The following ZNF704 variants were observed in gnomAD, a reference collection of about 807,000 sequenced individuals.
ZNF704 encodes the protein glucocorticoid induced gene 1.
In ZNF704, 10 loss-of-function variants were observed where a neutral mutation model predicts 44.7. That is an observed-to-expected ratio of 0.22 (90% confidence interval 0.14 to 0.38). The LOEUF (loss-of-function observed/expected upper bound fraction) is 0.38. Ranked by LOEUF, ZNF704 falls within the 10% of genes least tolerant of loss-of-function variation. The pLI is 1.00. For synonymous variants in ZNF704, 211 were observed against 207.6 expected (o/e 1.02, Z -0.14); for missense variants, 390 against 545.5 (o/e 0.71, Z 2.84).
chr8:80,629,315 A>C lies in ZNF704; in HGVS notation c.*12051T>G, dbSNP rs1817548479. On this transcript the variant is annotated 3_prime_UTR_variant, in exon 9 of 9. Coordinates refer to ENST00000327835, the MANE Select transcript of ZNF704 (RefSeq NM_001033723.3). Reference sequence around the variant, plus strand: ...GAACATCTGGATTTGGCTAAAAATCATATAAAAAGACACAATGCCCCTTCC... The same window carrying C: ...GAACATCTGGATTTGGCTAAAAATCCTATAAAAAGACACAATGCCCCTTCC... 1 of 152,252 alleles carries C rather than the reference A, an allele frequency of 6.6e-6. No homozygotes were observed. The highest frequency in any genetic ancestry group is 1.5e-5 in the Non-Finnish European group (1 of 68,050). The allele number at this position is 152,252 out of a possible 1,614,324, so 9.4% of individuals were successfully genotyped here.
Position 80,638,293 on chromosome 8 carries a change from C to T in ZNF704, c.*3073G>A, listed in dbSNP as rs1334067940. 4 of 151,884 alleles carry T rather than the reference C, an allele frequency of 2.6e-5. No individual in the cohort carries two copies. Among genetic ancestry groups the T allele is most frequent in the Non-Finnish European group, 2.9e-5 (2 of 67,950 alleles). The allele number at this position is 151,884 out of a possible 1,614,324, so 9.4% of individuals were successfully genotyped here. A position where few individuals can be genotyped will look rare whatever the true frequency, so the allele number is the denominator to read the frequency against. ...AAACCTTTTCTGAAGGCTGGGGTGT[C>T]AAAGGATAAAAAAAAAATCAAAAGG... On this transcript the variant is annotated 3_prime_UTR_variant, in exon 9 of 9. Transcript: ENST00000327835.
rs1817609434 is a variant in ZNF704, at chr8:80,632,870, A to G, written c.*8496T>C. 6.6e-6 allele frequency: 1 copy of G among 152,162 alleles called. No individual in the cohort carries two copies. Among genetic ancestry groups the G allele is most frequent in the South Asian group, 2.1e-4 (1 of 4,830 alleles). 9.4% of individuals were successfully genotyped at this position (152,162 alleles called of 1,614,324 possible). A position where few individuals can be genotyped will look rare whatever the true frequency, so the allele number is the denominator to read the frequency against. On this transcript the variant is annotated 3_prime_UTR_variant, in exon 9 of 9. Coordinates refer to ENST00000327835, the MANE Select transcript of ZNF704 (RefSeq NM_001033723.3). Reference sequence around the variant, plus strand: ...AAACTGTTTCATTCTCCAACACTGTATTACTTTAGAAACATAATAATAAAT... The same window carrying G: ...AAACTGTTTCATTCTCCAACACTGTGTTACTTTAGAAACATAATAATAAAT...
At chr8:80,667,707 T>C (rs1347930394) in intron 5 of ZNF704, among the ~76,000 whole-genome samples, 1 of 152,182 alleles carries the variant, frequency 6.6e-6, no homozygotes, top group Non-Finnish European at 1.5e-5. Context: ...AATGAGTGAA[T>C]GAATGGAGCT....
chr8:80,744,723 C>G (rs1666673474), intron 2 of ZNF704, among the ~76,000 whole-genome samples: 2 of 152,168 alleles, frequency 1.3e-5, no homozygotes, highest in Non-Finnish European at 2.9e-5. Context: ...ATGTGCTTAA[C>G]TAATGGACCA....
intron 7 of ZNF704, among the ~76,000 whole-genome samples, chr8:80,650,279 G>A (rs764863614): frequency 9.9e-5 from 15 of 152,246 alleles, no homozygotes; most frequent in South Asian, 4.1e-4. Flanking sequence ...GGAACGCAGC[G>A]CAGCTACTCA....
intron 3 of ZNF704, among the ~76,000 whole-genome samples, chr8:80,688,958 CAA>C (rs57878370): frequency 2.7e-4 from 19 of 71,378 alleles, no homozygotes; most frequent in South Asian, 6.6e-4. Context: ...GACTCTGTCT[CAA>C]AAAAAAAAAA....
chr8:80,724,503 C>A (rs1380445479), intron 2 of ZNF704, among the ~76,000 whole-genome samples: 2 of 152,184 alleles, frequency 1.3e-5, no homozygotes, highest in Admixed American at 1.3e-4. Context: ...ATACACTATT[C>A]CTGGCATGTC....
intron 3 of ZNF704, among the ~76,000 whole-genome samples, chr8:80,691,829 T>C (rs2131636054): frequency 6.6e-6 from 1 of 152,186 alleles, no homozygotes; most frequent in East Asian, 1.9e-4. Context: ...CATTTGCCAA[T>C]ACATCTCTTC....
chr8:80,855,521 G>C (rs1275666301), intron 1 of ZNF704, among the ~76,000 whole-genome samples: 1 of 152,104 alleles, frequency 6.6e-6, no homozygotes, highest in Non-Finnish European at 1.5e-5. Flanking sequence ...GTCAGATACA[G>C]AAAGACAAAT....
At chr8:80,709,403 C>A (rs1476002670) in intron 2 of ZNF704, among the ~76,000 whole-genome samples, 3 of 133,242 alleles carry the variant, frequency 2.3e-5, no homozygotes, top group Non-Finnish European at 3.1e-5. Flanking sequence ...GAGATGGCAC[C>A]ACTGCACTCC....
At chr8:80,762,642 A>C (rs1807152089) in intron 2 of ZNF704, among the ~76,000 whole-genome samples, 2 of 152,072 alleles carry the variant, frequency 1.3e-5, no homozygotes, top group Non-Finnish European at 2.9e-5. Flanking sequence ...ACATAGCCAA[A>C]CCATATTATT....
At chr8:80,647,445 A>T (rs1817851044) in intron 7 of ZNF704, among the ~76,000 whole-genome samples, 1 of 151,810 alleles carries the variant, frequency 6.6e-6, no homozygotes, top group African/African-American at 2.4e-5. Flanking sequence ...GCAATAAGTA[A>T]GCCATTGGAG....
intron 1 of ZNF704, among the ~76,000 whole-genome samples, chr8:80,830,602 G>A (rs918633216): frequency 6.6e-6 from 1 of 151,948 alleles, no homozygotes; most frequent in Non-Finnish European, 1.5e-5. Context: ...ATCTTACAAT[G>A]GGAGGAATGT....
chr8:80,836,239 A>G (rs1377800574), intron 1 of ZNF704, among the ~76,000 whole-genome samples: 1 of 152,100 alleles, frequency 6.6e-6, no homozygotes, highest in Non-Finnish European at 1.5e-5. Flanking sequence ...TCACTCTCAC[A>G]GCTACCCCCA....
chr8:80,715,769 C>T (rs1819063389), intron 2 of ZNF704, among the ~76,000 whole-genome samples: 1 of 152,110 alleles, frequency 6.6e-6, no homozygotes, highest in African/African-American at 2.4e-5. Context: ...GACTCTAATA[C>T]AAAGTCAGAT....
At chr8:80,674,067 G>A (rs540940263) in intron 4 of ZNF704, among the ~76,000 whole-genome samples, 5 of 152,340 alleles carry the variant, frequency 3.3e-5, no homozygotes, top group African/African-American at 7.2e-5. Flanking sequence ...TTTGAGGGAC[G>A]TGAAAATGCG....
rs936922443 is a variant in ZNF704, at chr8:80,871,205, C to T, written c.-22+3366G>A. The stretch of plus-strand genomic sequence containing the variant: ...CACAGCATGGATCTTTTGAAAACTA[C>T]AAATTACCTTGTAAGACTTTATTGC... On this transcript the variant is annotated intron_variant, in intron 1 of 8. Transcript: ENST00000327835. Among the ~76,000 whole-genome samples the T allele has an allele frequency of 7.2e-5, 11 of 152,214 alleles. No homozygotes were observed. The South Asian group carries it at 1.0e-3, about 14-fold the overall frequency.
intron 2 of ZNF704, among the ~76,000 whole-genome samples, chr8:80,725,431 A>C (rs1466011279): frequency 6.6e-6 from 1 of 152,182 alleles, no homozygotes; most frequent in Admixed American, 6.5e-5. Context: ...TTATTTACTT[A>C]ATACAGCAGC....
intron 1 of ZNF704, among the ~76,000 whole-genome samples, chr8:80,857,938 T>C (rs1808991652): frequency 6.6e-6 from 1 of 152,184 alleles, no homozygotes; most frequent in Admixed American, 6.5e-5. Flanking sequence ...CTTTAACAGA[T>C]GGTAGGTTAT....
Sources: gnomAD v4.1 joint callset for allele counts (sites outside exome capture counted in the v4.1 genomes callset) on GRCh38, gnomAD v4.1.1 for gene constraint, MANE v1.5 for transcripts, NCBI Gene and HGNC (gene_info 2026-07-23, HGNC 2026-07-21) for gene names.